GALNTL6: variants seen among roughly 807,000 people sequenced by gnomAD.
GALNTL6 encodes the protein polypeptide N-acetylgalactosaminyltransferase-like 6.
Under a neutral mutation model 73.7 loss-of-function variants are expected in GALNTL6, and 46 were observed. The observed-to-expected ratio is 0.62, with a 90% CI of 0.49 to 0.80. The LOEUF (loss-of-function observed/expected upper bound fraction) is 0.80. GALNTL6 is among the 30% of genes least tolerant of loss of function. The pLI, the probability that GALNTL6 is intolerant of heterozygous loss-of-function variation, is 0.00. For missense variants in GALNTL6, 604 were observed against 755.0 expected (o/e 0.80, Z 2.34); for synonymous variants, 259 against 263.7 (o/e 0.98, Z 0.17).
At chr4:172,847,496 A>G (rs1743577246) in intron 7 of GALNTL6, among the ~76,000 whole-genome samples, 2 of 151,898 alleles carry the variant, frequency 1.3e-5, no homozygotes, top group South Asian at 4.1e-4. Flanking sequence ...ATATGTTTAT[A>G]TATATATTTA....
chr4:172,468,820 T>G (rs751101346), intron 5 of GALNTL6, among the ~76,000 whole-genome samples: 2 of 152,200 alleles, frequency 1.3e-5, no homozygotes, highest in Non-Finnish European at 2.9e-5. Context: ...AAATATTAAA[T>G]TAGCATCTCC....
chr4:172,658,466 C>CAA (rs1207091609), intron 5 of GALNTL6, among the ~76,000 whole-genome samples: 3 of 53,574 alleles, frequency 5.6e-5, no homozygotes, highest in African/African-American at 2.1e-4. Flanking sequence ...GACTCCGTCT[C>CAA]AAAAAAAAAA....
chr4:171,971,771 T>C (rs1739577460), intron 2 of GALNTL6, among the ~76,000 whole-genome samples: 4 of 152,218 alleles, frequency 2.6e-5, no homozygotes, highest in Admixed American at 1.3e-4. Flanking sequence ...AAAATTGTTT[T>C]GTTGGATAAC....
chr4:172,741,490 G>A (rs539642124), intron 5 of GALNTL6, among the ~76,000 whole-genome samples: 2 of 151,914 alleles, frequency 1.3e-5, no homozygotes, highest in Admixed American at 6.6e-5. Context: ...TTTCATATAT[G>A]TACATATACA....
intron 10 of GALNTL6, among the ~76,000 whole-genome samples, chr4:172,991,436 T>C (rs921094180): frequency 1.3e-5 from 2 of 152,166 alleles, no homozygotes; most frequent in Admixed American, 1.3e-4. Flanking sequence ...TCTTGCTCTG[T>C]CACCCAGGCT....
At chr4:172,201,925 A>C (rs1280290868) in intron 2 of GALNTL6, among the ~76,000 whole-genome samples, 1 of 152,202 alleles carries the variant, frequency 6.6e-6, no homozygotes, top group Non-Finnish European at 1.5e-5. Context: ...AATGACACCA[A>C]GAAATGGGCG....
At chr4:171,892,690 T>C (rs1402867178) in intron 2 of GALNTL6, among the ~76,000 whole-genome samples, 1 of 152,100 alleles carries the variant, frequency 6.6e-6, no homozygotes, top group Non-Finnish European at 1.5e-5. Flanking sequence ...GCCTCCCAAG[T>C]AGCTGTCACT....
intron 2 of GALNTL6, among the ~76,000 whole-genome samples, chr4:171,861,818 T>A (rs749999658): frequency 3.9e-5 from 6 of 152,216 alleles, no homozygotes; most frequent in Non-Finnish European, 8.8e-5. Context: ...ACATATCTGA[T>A]GGTATTTTTT....
intron 5 of GALNTL6, among the ~76,000 whole-genome samples, chr4:172,442,430 A>G (rs954008934): frequency 2.0e-5 from 3 of 152,208 alleles, no homozygotes; most frequent in Admixed American, 1.3e-4. Flanking sequence ...GAAAAGCAAG[A>G]ATCATTTGTA....
intron 10 of GALNTL6, among the ~76,000 whole-genome samples, chr4:173,007,385 A>C (rs964839932): frequency 6.6e-6 from 1 of 152,248 alleles, no homozygotes; most frequent in Non-Finnish European, 1.5e-5. Context: ...GGGCTTAAAA[A>C]GGATTAAGAT....
At chr4:172,959,705 G>A (rs1749942088) in intron 10 of GALNTL6, among the ~76,000 whole-genome samples, 1 of 152,138 alleles carries the variant, frequency 6.6e-6, no homozygotes, top group African/African-American at 2.4e-5. Context: ...AGGGGCTCTG[G>A]GAGTGGCTGC....
chr4:172,633,984 A>G (rs534937222), intron 5 of GALNTL6, among the ~76,000 whole-genome samples: 44 of 152,190 alleles, frequency 2.9e-4, no homozygotes, highest in Non-Finnish European at 6.2e-4. Context: ...CTGGGAGTCA[A>G]TTAAACCTCT....
chr4:172,749,408 C>G (rs1477089208), intron 5 of GALNTL6, among the ~76,000 whole-genome samples: 1 of 152,054 alleles, frequency 6.6e-6, no homozygotes, highest in East Asian at 1.9e-4. Context: ...CCAATTTTCT[C>G]AATACCGTTT....
chr4:172,155,602 A>G (rs1734230508), intron 2 of GALNTL6, among the ~76,000 whole-genome samples: 1 of 152,202 alleles, frequency 6.6e-6, no homozygotes, highest in Admixed American at 6.5e-5. Flanking sequence ...AAAAATGCAA[A>G]CTAGCATTAT....
intron 5 of GALNTL6, among the ~76,000 whole-genome samples, chr4:172,639,860 A>C (rs1403810046): frequency 6.6e-6 from 1 of 152,056 alleles, no homozygotes; most frequent in African/African-American, 2.4e-5. Flanking sequence ...TTTTTCATCT[A>C]CTCAAGCACA....
chr4:172,547,010 C>T (rs1219307954), intron 5 of GALNTL6, among the ~76,000 whole-genome samples: 2 of 151,386 alleles, frequency 1.3e-5, no homozygotes, highest in Non-Finnish European at 2.9e-5. Flanking sequence ...CTCACTTTCC[C>T]CCAGCTCCTG....
intron 7 of GALNTL6, among the ~76,000 whole-genome samples, chr4:172,841,315 G>A (rs182249528): frequency 3.9e-5 from 6 of 152,188 alleles, no homozygotes; most frequent in Non-Finnish European, 7.4e-5. Context: ...CGTGCATATC[G>A]CCTCATTTAA....
intron 2 of GALNTL6, among the ~76,000 whole-genome samples, chr4:171,904,419 C>T (rs909781137): frequency 2.0e-5 from 3 of 151,788 alleles, no homozygotes; most frequent in African/African-American, 7.3e-5. Flanking sequence ...ATGAATGAAA[C>T]AAAGAGAGAA....
chr4:172,982,432 C>T (rs1751107994), intron 10 of GALNTL6, among the ~76,000 whole-genome samples: 1 of 152,234 alleles, frequency 6.6e-6, no homozygotes. Context: ...TGTGAGTCAG[C>T]TTCACATTTC....
Sources: allele counts gnomAD v4.1 joint callset (sites outside exome capture counted in the v4.1 genomes callset), GRCh38; gene constraint gnomAD v4.1.1; transcripts MANE v1.5; gene names NCBI Gene and HGNC (gene_info 2026-07-23, HGNC 2026-07-21).